The following EYS variants were observed in gnomAD, a reference collection of about 807,000 sequenced individuals.
EYS encodes the protein protein eyes shut homolog.
Under a neutral mutation model 282.1 loss-of-function variants are expected in EYS, and 250 were observed. The observed-to-expected ratio is 0.89, with a 90% CI of 0.80 to 0.98. The LOEUF is 0.98. Ranked by LOEUF, EYS falls within the 50% of genes least tolerant of loss-of-function variation. The pLI is 0.00. For missense variants in EYS, 4,016 were observed against 3,709.0 expected (o/e 1.08, Z -2.15); for synonymous variants, 1,355 against 1,282.9 (o/e 1.06, Z -1.20).
chr6:63,871,128 A>G (rs755810007), intron 35 of EYS, among the ~76,000 whole-genome samples: 8 of 152,098 alleles, frequency 5.3e-5, no homozygotes, highest in Non-Finnish European at 8.8e-5. Context: ...TTTCTTTCCA[A>G]TGCTAGAATT....
At chr6:64,430,166 T>C (rs1355126008) in intron 28 of EYS, among the ~76,000 whole-genome samples, 2 of 152,192 alleles carry the variant, frequency 1.3e-5, no homozygotes, top group Non-Finnish European at 2.9e-5. Flanking sequence ...CTTACTCTAG[T>C]GATAATGTTT....
At chr6:64,314,990 G>GT (rs909036810) in intron 29 of EYS, among the ~76,000 whole-genome samples, 1 of 151,960 alleles carries the variant, frequency 6.6e-6, no homozygotes, top group Non-Finnish European at 1.5e-5. Flanking sequence ...TCAGGAGCTG[G>GT]TTTTTTGAAA....
At chr6:63,943,067 C>T (rs1013901767) in intron 35 of EYS, among the ~76,000 whole-genome samples, 10 of 152,214 alleles carry the variant, frequency 6.6e-5, no homozygotes, top group African/African-American at 2.4e-4. Flanking sequence ...TTCTGGTCAA[C>T]AGTAAGCTAT....
intron 29 of EYS, among the ~76,000 whole-genome samples, chr6:64,312,324 C>A (rs967835391): frequency 6.6e-6 from 1 of 152,268 alleles, no homozygotes; most frequent in South Asian, 2.1e-4. Context: ...CAGACTGCAT[C>A]TCTAGATTCC....
intron 5 of EYS, among the ~76,000 whole-genome samples, chr6:65,426,890 A>G (rs1767684879): frequency 6.6e-6 from 1 of 152,080 alleles, no homozygotes; most frequent in South Asian, 2.1e-4. Context: ...ACATACATGG[A>G]AATGTTGTGG....
chr6:65,638,640 G>A (rs1475627188), intron 2 of EYS, among the ~76,000 whole-genome samples: 10 of 152,200 alleles, frequency 6.6e-5, no homozygotes, highest in Admixed American at 6.5e-5. Context: ...CACAGAGCCC[G>A]CACCTGTGCC....
At chr6:65,363,581 G>T (rs555617570) in intron 8 of EYS, among the ~76,000 whole-genome samples, 40 of 151,746 alleles carry the variant, frequency 2.6e-4, no homozygotes, top group African/African-American at 8.9e-4. Flanking sequence ...CTCAGGAAGA[G>T]TACATCTTTA....
At chr6:64,020,205 G>C (rs1331630334) in intron 33 of EYS, among the ~76,000 whole-genome samples, 1 of 152,122 alleles carries the variant, frequency 6.6e-6, no homozygotes, top group East Asian at 1.9e-4. Context: ...AAAATAGCTA[G>C]ACTAGAGGAA....
chr6:64,304,793 A>G (rs1476926039), intron 30 of EYS, among the ~76,000 whole-genome samples: 3 of 152,252 alleles, frequency 2.0e-5, no homozygotes. Flanking sequence ...GAAATAAATT[A>G]TAATGGAAAG....
chr6:63,948,249 T>C (rs1765456711), intron 35 of EYS, among the ~76,000 whole-genome samples: 1 of 152,204 alleles, frequency 6.6e-6, no homozygotes. Context: ...AAGCTGCCAT[T>C]GTGTGAAGAT....
chr6:64,114,162 G>GA (rs1480096259), intron 31 of EYS, among the ~76,000 whole-genome samples: 1 of 151,998 alleles, frequency 6.6e-6, no homozygotes, highest in Non-Finnish European at 1.5e-5. Context: ...AGCTAGATTT[G>GA]AAAAAACATT....
At chr6:63,932,864 A>G (rs1321764321) in intron 35 of EYS, among the ~76,000 whole-genome samples, 1 of 152,226 alleles carries the variant, frequency 6.6e-6, no homozygotes, top group African/African-American at 2.4e-5. Context: ...ACTCAGATCC[A>G]TAAGACTTCT....
intron 33 of EYS, among the ~76,000 whole-genome samples, chr6:64,010,909 G>A (rs1441432659): frequency 2.0e-5 from 3 of 152,074 alleles, no homozygotes; most frequent in Admixed American, 6.6e-5. Flanking sequence ...TGGGCTGGCA[G>A]CTTGCTAAAA....
At chr6:65,693,561 C>A (rs1769327041) in intron 1 of EYS, among the ~76,000 whole-genome samples, 1 of 149,292 alleles carries the variant, frequency 6.7e-6, no homozygotes, top group Non-Finnish European at 1.5e-5. Context: ...CAAAAAAAAC[C>A]TATTTTACAA....
In EYS at chr6:64,510,516, T is replaced by TA. The variant is rs553501624; in HGVS notation, c.5645-71165dup. 1.3e-3 allele frequency among the ~76,000 whole-genome samples: 204 copies of TA among 152,102 alleles called. 1 individual carries two copies. The highest frequency in any genetic ancestry group is 4.7e-3 in the African/African-American group (194 of 41,458). On this transcript the variant is annotated intron_variant, in intron 26 of 42. Transcript: ENST00000503581. ...GTACGTCAAGAGATTGTACAATACT[T>TA]AAAAATGCAGACTTTATTAAAAACA...
At chr6:65,425,755 T>C (rs546649695) in intron 5 of EYS, among the ~76,000 whole-genome samples, 10 of 152,244 alleles carry the variant, frequency 6.6e-5, no homozygotes, top group African/African-American at 1.7e-4. Context: ...ACCAGTCTTT[T>C]AAAGCATTTT....
At chr6:64,983,975 G>A (rs550348836) in intron 14 of EYS, among the ~76,000 whole-genome samples, 1 of 151,382 alleles carries the variant, frequency 6.6e-6, no homozygotes, top group Admixed American at 6.6e-5. Context: ...GTAGAGCGCT[G>A]TCTAAAGTAG....
At chr6:64,592,400 T>G in intron 25 of EYS, among the ~76,000 whole-genome samples, 1 of 152,300 alleles carries the variant, frequency 6.6e-6, no homozygotes, top group Middle Eastern at 3.4e-3. Context: ...GTTCTGTTTA[T>G]ATTAGATAAC....
At chr6:64,210,890 C>G (rs918118505) in intron 31 of EYS, among the ~76,000 whole-genome samples, 3 of 152,168 alleles carry the variant, frequency 2.0e-5, no homozygotes, top group Admixed American at 1.3e-4. Context: ...GGTGAATTCT[C>G]TCTCCCTACT....
Sources: gnomAD v4.1 joint callset for allele counts (sites outside exome capture counted in the v4.1 genomes callset) on GRCh38, gnomAD v4.1.1 for gene constraint, MANE v1.5 for transcripts, NCBI Gene and HGNC (gene_info 2026-07-23, HGNC 2026-07-21) for gene names.